CEP85L: variants seen among roughly 807,000 people sequenced by gnomAD.
CEP85L encodes centrosomal protein of 85 kDa-like.
CEP85L carries 60 observed loss-of-function variants against 100.3 expected under a neutral mutation model. That is an observed-to-expected ratio of 0.60 (90% CI 0.49 to 0.74). The LOEUF is 0.74. Among genes scored for constraint, CEP85L ranks in the 30% least tolerant of loss-of-function variants. The probability of loss-of-function intolerance (pLI) is 0.00; values close to 1 mark genes in which losing one functional copy is unlikely to be tolerated. For synonymous variants in CEP85L, 319 were observed against 322.7 expected (o/e 0.99, Z 0.12); for missense variants, 973 against 936.2 (o/e 1.04, Z -0.51).
chr6:118,669,192 T>C (rs908059227), intron 1 of CEP85L, among the ~76,000 whole-genome samples: 11 of 152,202 alleles, frequency 7.2e-5, no homozygotes, highest in African/African-American at 2.7e-4. Flanking sequence ...CAGATAGGGC[T>C]CCATGTCTGT....
intron 1 of CEP85L, among the ~76,000 whole-genome samples, chr6:118,649,322 C>T (rs1775397065): frequency 6.6e-6 from 1 of 152,102 alleles, no homozygotes; most frequent in Non-Finnish European, 1.5e-5. Context: ...CTATACTGTC[C>T]AAATTTCTTC....
chr6:118,481,964 C>T (rs372329611), intron 7 of CEP85L, 31 bp from the exon 8 acceptor site: 131 of 1,372,532 alleles, frequency 9.5e-5, no homozygotes, highest in Non-Finnish European at 1.2e-4. Context: ...GTTCATTACA[C>T]ATGAAATATT....
chr6:118,644,213 C>G (rs1350438926), intron 1 of CEP85L, among the ~76,000 whole-genome samples: 1 of 152,146 alleles, frequency 6.6e-6, no homozygotes, highest in Non-Finnish European at 1.5e-5. Context: ...GACTGGTGAT[C>G]ACTACTGCCT....
At chr6:118,510,959 T>TA (rs1031562978) in intron 5 of CEP85L, among the ~76,000 whole-genome samples, 12 of 151,982 alleles carry the variant, frequency 7.9e-5, no homozygotes, top group African/African-American at 2.2e-4. Context: ...ATATAACATT[T>TA]AAAAAAAAGC....
chr6:118,645,644 CCTGA>C (rs1562335334), intron 1 of CEP85L, among the ~76,000 whole-genome samples: 1 of 152,182 alleles, frequency 6.6e-6, no homozygotes. Flanking sequence ...CGCACTCCAG[CCTGA>C]CTGACAGAGT....
rs1781672559 is a variant in CEP85L, at chr6:118,600,298, G to GTGTGTGTGTGTGT, written c.232+32154_232+32155insACACACACACACA. On this transcript the variant is annotated intron_variant, in intron 2 of 12. Coordinates refer to ENST00000368491, the MANE Select transcript of CEP85L (RefSeq NM_001042475.3). ...TACTGCCTGTCCCTGAGCCTTCCTG[G>GTGTGTGTGTGTGT]GGGTGTGTGTGTGTGTGTGTGTGTG... 1.7e-4 allele frequency among the ~76,000 whole-genome samples: 10 copies of GTGTGTGTGTGTGT among 59,198 alleles called. 2 individuals are homozygous for GTGTGTGTGTGTGT. Among genetic ancestry groups the GTGTGTGTGTGTGT allele is most frequent in the African/African-American group, 4.0e-4 (7 of 17,414 alleles). 38.8% of individuals were successfully genotyped at this position (59,198 alleles called of 152,430 possible). A position where few individuals can be genotyped will look rare whatever the true frequency, so the allele number is the denominator to read the frequency against.
chr6:118,551,939 T>C (rs981918944), intron 3 of CEP85L, among the ~76,000 whole-genome samples: 3 of 152,016 alleles, frequency 2.0e-5, no homozygotes, highest in African/African-American at 7.2e-5. Context: ...TCCTAATTTA[T>C]TACCACAAGT....
intron 4 of CEP85L, among the ~76,000 whole-genome samples, chr6:118,521,365 G>A (rs1312493942): frequency 6.6e-6 from 1 of 152,104 alleles, no homozygotes; most frequent in African/African-American, 2.4e-5. Context: ...CAGTTATGCT[G>A]CTTTAGAAAC....
intron 2 of CEP85L, among the ~76,000 whole-genome samples, chr6:118,590,582 C>T (rs1781131606): frequency 6.6e-6 from 1 of 152,144 alleles, no homozygotes; most frequent in African/African-American, 2.4e-5. Flanking sequence ...TCCCCTGGGC[C>T]TCAAATCAGA....
chr6:118,625,231 C>T (rs980199865), intron 2 of CEP85L, among the ~76,000 whole-genome samples: 3 of 152,272 alleles, frequency 2.0e-5, no homozygotes, highest in Non-Finnish European at 2.9e-5. Flanking sequence ...TAACTCCAGA[C>T]ATCTTTTTCA....
chr6:118,598,819 G>T (rs1408337866), intron 2 of CEP85L, among the ~76,000 whole-genome samples: 2 of 152,190 alleles, frequency 1.3e-5, no homozygotes, highest in African/African-American at 4.8e-5. Flanking sequence ...GAGGTTAACA[G>T]TTCTGAACCT....
At chr6:118,599,805 A>T (rs189092187) in intron 2 of CEP85L, among the ~76,000 whole-genome samples, 51 of 152,316 alleles carry the variant, frequency 3.3e-4, no homozygotes, top group African/African-American at 1.2e-3. Flanking sequence ...CAGTCTAATC[A>T]TGAGAAAAAC....
chr6:118,691,068 A>G (rs1777026305), intron 1 of CEP85L, among the ~76,000 whole-genome samples: 1 of 152,256 alleles, frequency 6.6e-6, no homozygotes, highest in Non-Finnish European at 1.5e-5. Flanking sequence ...ACAGTTTAAA[A>G]AAAAGAGACT....
At chr6:118,557,738 A>C (rs777645851) in intron 3 of CEP85L, among the ~76,000 whole-genome samples, 1 of 152,200 alleles carries the variant, frequency 6.6e-6, no homozygotes, top group Non-Finnish European at 1.5e-5. Flanking sequence ...TTATTATCGA[A>C]TAAAAATTGG....
At chr6:118,480,671 T>A (rs1172798203) in intron 8 of CEP85L, among the ~76,000 whole-genome samples, 158 bp from the exon 9 acceptor site, 1 of 152,138 alleles carries the variant, frequency 6.6e-6, no homozygotes, top group East Asian at 1.9e-4. Flanking sequence ...TTATCTATAG[T>A]TCATAACAAG....
chr6:118,674,520 T>G (rs558392781), intron 1 of CEP85L, among the ~76,000 whole-genome samples: 1 of 143,512 alleles, frequency 7.0e-6, no homozygotes, highest in African/African-American at 2.7e-5. Flanking sequence ...TAAGACTCCA[T>G]CTCAAAAAAA....
intron 2 of CEP85L, among the ~76,000 whole-genome samples, chr6:118,614,722 T>C (rs1045277793): frequency 5.9e-5 from 9 of 152,164 alleles, no homozygotes; most frequent in African/African-American, 2.2e-4. Flanking sequence ...ATGCCTGTAA[T>C]CCCAGCTACT....
At chr6:118,584,208 T>C (rs1015606051) in intron 2 of CEP85L, among the ~76,000 whole-genome samples, 2 of 152,194 alleles carry the variant, frequency 1.3e-5, no homozygotes, top group African/African-American at 2.4e-5. Context: ...CTCAATATGT[T>C]AGCTAACAGA....
chr6:118,599,210 T>C (rs1781601096), intron 2 of CEP85L, among the ~76,000 whole-genome samples: 1 of 152,112 alleles, frequency 6.6e-6, no homozygotes, highest in Admixed American at 6.5e-5. Flanking sequence ...GGTGAAATGA[T>C]TGATTCAAGG....
Sources: gnomAD v4.1 joint callset for allele counts (sites outside exome capture counted in the v4.1 genomes callset) on GRCh38, gnomAD v4.1.1 for gene constraint, MANE v1.5 for transcripts, NCBI Gene and HGNC (gene_info 2026-07-23, HGNC 2026-07-21) for gene names.